The following MACF1 variants were observed in gnomAD, a reference collection of about 807,000 sequenced individuals.
The protein encoded by MACF1 is microtubule-actin cross-linking factor 1.
In MACF1, 193 loss-of-function variants were observed where a neutral mutation model predicts 854.8. The observed-to-expected ratio is 0.23, with a 90% confidence interval of 0.20 to 0.25. MACF1 has a LOEUF of 0.25. MACF1 is among the 10% of genes least tolerant of loss of function. The probability of loss-of-function intolerance (pLI) is 1.00; values close to 1 mark genes in which losing one functional copy is unlikely to be tolerated. For missense variants in MACF1, 7,722 were observed against 8,929.1 expected (o/e 0.86, Z 5.45); for synonymous variants, 3,185 against 3,226.7 (o/e 0.99, Z 0.44).
chr1:39,392,342 G>C (rs1389087878), intron 58 of MACF1, among the ~76,000 whole-genome samples: 6 of 152,114 alleles, frequency 3.9e-5, no homozygotes, highest in African/African-American at 1.4e-4. Context: ...ATTTGAGTGT[G>C]GAGTTCCTGG....
chr1:39,186,172 CT>C (rs1644166281), intron 2 of MACF1, among the ~76,000 whole-genome samples: 1 of 7,160 alleles, frequency 1.4e-4, no homozygotes, highest in African/African-American at 2.2e-4. Flanking sequence ...TTCTGAACAT[CT>C]CTCTCTCTCT....
intron 2 of MACF1, 83 bp from the exon 3 acceptor site, chr1:39,249,931 T>C: frequency 1.5e-6 from 1 of 674,974 alleles, no homozygotes; most frequent in East Asian, 2.8e-5. Context: ...AATTTGTGTT[T>C]ACCTAGAACC....
At chr1:39,301,981 C>CTGTT in intron 22 of MACF1, among the ~76,000 whole-genome samples, 1 of 150,998 alleles carries the variant, frequency 6.6e-6, no homozygotes, top group Non-Finnish European at 1.5e-5. Flanking sequence ...ACCACTGTAC[C>CTGTT]TATTTATTTA....
At chr1:39,176,172 G>C (rs1266465721) in intron 2 of MACF1, among the ~76,000 whole-genome samples, 3 of 147,288 alleles carry the variant, frequency 2.0e-5, no homozygotes, top group Admixed American at 7.0e-5. Context: ...TACTCAGGAG[G>C]GAGGCTAGTG....
At chr1:39,281,153 G>A (rs1226306330) in intron 6 of MACF1, among the ~76,000 whole-genome samples, 1 of 152,102 alleles carries the variant, frequency 6.6e-6, no homozygotes, top group Non-Finnish European at 1.5e-5. Flanking sequence ...GTCTTGTGCT[G>A]TATTTTGGAG....
intron 2 of MACF1, among the ~76,000 whole-genome samples, chr1:39,232,746 GTTTTTTTTT>G (rs10712180): frequency 7.1e-4 from 91 of 128,496 alleles, no homozygotes; most frequent in East Asian, 4.4e-3. Context: ...TACTCTCTTT[GTTTTTTTTT>G]TTTTTTTTTT....
intron 58 of MACF1, chr1:39,413,154 C>T: frequency 1.2e-6 from 2 of 1,613,042 alleles, no homozygotes; most frequent in Non-Finnish European, 8.5e-7. Flanking sequence ...TTACAGTACC[C>T]ATCACAGAGG....
intron 2 of MACF1, among the ~76,000 whole-genome samples, chr1:39,109,058 T>C (rs951411316): frequency 1.3e-5 from 2 of 152,210 alleles, no homozygotes; most frequent in African/African-American, 2.4e-5. Flanking sequence ...AAAATTGATA[T>C]CGTAGAAAGA....
In MACF1 at chr1:39,331,247, GA is replaced by G. The variant is rs1646721242; in HGVS notation, c.4660del (p.Ile1554TyrfsTer19). ...AGVIDLGTVE[I>X]FPIFKAMQKG... ...GGGTGATTGACCTAGGCACAGTGGAGATATTTCCCATCTTCAAAGCCATGCA... is the reference window on the plus strand; with the variant it reads ...GGGTGATTGACCTAGGCACAGTGGAGTATTTCCCATCTTCAAAGCCATGCA... On this transcript the variant is annotated frameshift_variant, in exon 37 of 101. Transcript: ENST00000564288. LOFTEE classifies it high-confidence loss of function. The G allele has an allele frequency of 1.3e-6, 2 of 1,576,856 alleles. No individual in the cohort carries two copies. The highest frequency in any genetic ancestry group is 3.0e-5 in the African/African-American group (2 of 67,714).
intron 2 of MACF1, among the ~76,000 whole-genome samples, chr1:39,243,278 A>G (rs913845755): frequency 2.0e-5 from 3 of 152,234 alleles, no homozygotes; most frequent in Non-Finnish European, 4.4e-5. Context: ...CAGGGAGTGC[A>G]AACAGGCAAG....
chr1:39,440,272 A>AT (rs933090639), intron 72 of MACF1, among the ~76,000 whole-genome samples: 21 of 151,356 alleles, frequency 1.4e-4, no homozygotes, highest in African/African-American at 3.2e-4. Context: ...TGCCTGGCTA[A>AT]TTTTTTTATG....
At chr1:39,225,389 T>C (rs1374137581) in intron 1 of MACF1, among the ~76,000 whole-genome samples, 2 of 150,948 alleles carry the variant, frequency 1.3e-5, no homozygotes, top group Non-Finnish European at 3.0e-5. Flanking sequence ...GCTAATTTTT[T>C]GTATTTTTAG....
chr1:39,173,065 G>A (rs774181805), intron 2 of MACF1, among the ~76,000 whole-genome samples: 3 of 152,140 alleles, frequency 2.0e-5, no homozygotes, highest in Admixed American at 1.3e-4. Flanking sequence ...ACTGGAGGCC[G>A]GGCGCGGTGG....
At chr1:39,087,707 T>G (rs1244817993) in intron 2 of MACF1, among the ~76,000 whole-genome samples, 1 of 152,084 alleles carries the variant, frequency 6.6e-6, no homozygotes, top group Non-Finnish European at 1.5e-5. Flanking sequence ...GCTCAGAGGG[T>G]TTAGGGGACT....
In MACF1 at chr1:39,367,625, A is replaced by G. The variant is rs538925206; in HGVS notation, c.12772-523A>G. ...ACAAGTTGGTAAGTGGCAAAGTGTG[A>G]TTGAATTTCAGGTGAGGTGTATTTG... On this transcript the variant is annotated intron_variant, in intron 49 of 100. Coordinates refer to ENST00000564288, the MANE Select transcript of MACF1 (RefSeq NM_001394062.1). Among the ~76,000 whole-genome samples, 44 of 152,300 alleles carry G rather than the reference A, an allele frequency of 2.9e-4. No individual in the cohort carries two copies. In the South Asian group the frequency reaches 8.9e-3, roughly 31 times the overall value.
Position 39,437,785 on chromosome 1 carries a change from T to C in MACF1, c.17997T>C (p.Asp5999=). Residue 5999 remains aspartate, a synonymous_variant, in exon 71 of 101, where the codon GAT becomes GAC. Coordinates refer to ENST00000564288, the MANE Select transcript of MACF1 (RefSeq NM_001394062.1). ...TTCCAACATTTGTTTAGTTTCATGA[T>C]AAAATTGAGCCTATGTTGGAGACAC... ...EAVSQSTQFH[D]KIEPMLETLE... 6.2e-7 allele frequency: 1 copy of C among 1,612,520 alleles called. No homozygotes were observed. The highest frequency in any genetic ancestry group is 8.5e-7 in the Non-Finnish European group (1 of 1,178,502).
intron 49 of MACF1, among the ~76,000 whole-genome samples, chr1:39,363,916 A>G (rs1648440694): frequency 6.6e-6 from 1 of 152,178 alleles, no homozygotes; most frequent in Non-Finnish European, 1.5e-5. Flanking sequence ...CTGGCCAACA[A>G]GACTCATACG....
Position 39,292,772 on chromosome 1 carries a change from A to G in MACF1, c.1921A>G (p.Met641Val). The change falls in exon 17 of 101, where the codon ATG becomes GTG. Residue 641 changes from methionine (M) to valine (V), a missense_variant. This residue lies in a region of MACF1 where 1,137 missense variants were observed against 1,263.0 expected (regional missense o/e 0.90). Coordinates refer to ENST00000564288, the MANE Select transcript of MACF1 (RefSeq NM_001394062.1). ...VKEARLYEGK[M>V]SQNFHTSYAE... is the part of the protein sequence containing the mutation. Reference sequence around the variant, plus strand: ...TTCATTCTTTTTTAATCAGGGAAAGATGTCCCAGAATTTCCATACCAGCTA... The same window carrying G: ...TTCATTCTTTTTTAATCAGGGAAAGGTGTCCCAGAATTTCCATACCAGCTA... 6.2e-7 allele frequency: 1 copy of G among 1,608,700 alleles called. No homozygotes were observed. The highest frequency in any genetic ancestry group is 8.5e-7 in the Non-Finnish European group (1 of 1,176,516).
chr1:39,412,640 CAGAG>C (rs1643070435), intron 58 of MACF1: 2 of 1,613,824 alleles, frequency 1.2e-6, no homozygotes, highest in Non-Finnish European at 1.7e-6. Flanking sequence ...GTGGCATCAT[CAGAG>C]GGAGGGGAGA....
Sources: gnomAD v4.1 joint callset for allele counts (sites outside exome capture counted in the v4.1 genomes callset) on GRCh38, gnomAD v4.1.1 for gene constraint, gnomAD v4.1.1 regional missense constraint, MANE v1.5 for transcripts, NCBI Gene and HGNC (gene_info 2026-07-23, HGNC 2026-07-21) for gene names.